GRM4: variants seen among roughly 807,000 people sequenced by gnomAD.
GRM4 encodes metabotropic glutamate receptor 4.
GRM4 carries 28 observed loss-of-function variants against 81.7 expected under a neutral mutation model. The observed-to-expected ratio is 0.34, with a 90% CI of 0.25 to 0.47. GRM4 has a LOEUF of 0.47. Ranked by LOEUF, GRM4 falls within the 20% of genes least tolerant of loss-of-function variation. GRM4 has a pLI of 1.00. For missense variants in GRM4, 948 were observed against 1,290.0 expected, an observed-to-expected ratio of 0.73 and a Z score of 4.06; for synonymous variants, 488 against 528.8, an observed-to-expected ratio of 0.92 and a Z score of 1.06.
intron 3 of GRM4, among the ~76,000 whole-genome samples, chr6:34,065,949 A>G (rs1307392799): frequency 2.0e-5 from 3 of 151,640 alleles, no homozygotes; most frequent in African/African-American, 4.8e-5. Context: ...AGGAACCGCT[A>G]TCTCTCCCAG....
intron 6 of GRM4, among the ~76,000 whole-genome samples, chr6:34,045,328 G>A (rs896500445): frequency 2.6e-5 from 4 of 152,232 alleles, no homozygotes; most frequent in Non-Finnish European, 5.9e-5. Flanking sequence ...CAGAGCCATC[G>A]TGTGCCTGGC....
rs1767446795 is a variant in GRM4 at position 34,078,819 on chromosome 6, C to T, written c.736+13064G>A. Reference sequence around the variant, plus strand: ...TCTGCAAGAGTCGTTAGCTTTCCTTCTGGCTCATTAAAAAGCAGAATTTGC... The same window carrying T: ...TCTGCAAGAGTCGTTAGCTTTCCTTTTGGCTCATTAAAAAGCAGAATTTGC... On this transcript the variant is annotated intron_variant, in intron 3 of 10. Transcript: ENST00000538487. The surrounding 1 kb of genome is among the most constrained non-coding windows in gnomAD (Gnocchi z 4.8). Among the ~76,000 whole-genome samples the T allele has an allele frequency of 6.6e-6, 1 of 152,202 alleles. No homozygotes were observed. Among genetic ancestry groups the T allele is most frequent in the African/African-American group, 2.4e-5 (1 of 41,440 alleles).
Position 34,022,809 on chromosome 6 carries a change from T to A in GRM4, c.*12A>T. 1 of 1,611,590 alleles carries A rather than the reference T, an allele frequency of 6.2e-7. No individual in the cohort carries two copies. The highest frequency in any genetic ancestry group is 8.5e-7 in the Non-Finnish European group (1 of 1,177,688). The stretch of plus-strand genomic sequence containing the variant: ...ACGGCTCCTCCTCCTGCTGCTCAGC[T>A]CCATGGACTCGCTAGATTGCATGGT... On this transcript the variant is annotated 3_prime_UTR_variant, in exon 11 of 11. Coordinates refer to ENST00000538487, the MANE Select transcript of GRM4 (RefSeq NM_000841.4). The surrounding 1 kb of genome is among the most constrained non-coding windows in gnomAD (Gnocchi z 5.6).
Position 34,035,220 on chromosome 6 carries a change from AG to A in GRM4, c.2442+447del, listed in dbSNP as rs1581592915. On this transcript the variant is annotated intron_variant, in intron 9 of 10. Coordinates refer to ENST00000538487, the MANE Select transcript of GRM4 (RefSeq NM_000841.4). The surrounding 1 kb of genome is among the most constrained non-coding windows in gnomAD (Gnocchi z 6.6). ...AGGGTACAGCGCTCCAGGCTTATGGAGGGGGGAAGGGGTGAGAGAATAGGAG... is the reference window on the plus strand; with the variant it reads ...AGGGTACAGCGCTCCAGGCTTATGGAGGGGGAAGGGGTGAGAGAATAGGAG... Among the ~76,000 whole-genome samples, 1 of 147,180 alleles carries A rather than the reference AG, an allele frequency of 6.8e-6. No homozygotes were observed. The highest frequency in any genetic ancestry group is 2.1e-4 in the East Asian group (1 of 4,770).
At chr6:34,053,273 C>T (rs562673442) in intron 6 of GRM4, among the ~76,000 whole-genome samples, 42 of 152,332 alleles carry the variant, frequency 2.8e-4, no homozygotes, top group African/African-American at 9.6e-4. Context: ...TCCCCTGCCC[C>T]TGCTCCCAGC....
intron 6 of GRM4, among the ~76,000 whole-genome samples, chr6:34,044,468 AC>A (rs1300141371): frequency 6.6e-6 from 1 of 150,916 alleles, no homozygotes. Flanking sequence ...ACACACACAG[AC>A]ATACATACAT....
chr6:34,119,401 G>A lies in GRM4; in HGVS notation c.519+13577C>T, dbSNP rs796457631. Among the ~76,000 whole-genome samples the A allele has an allele frequency of 3.5e-4, 37 of 107,102 alleles. 1 individual carries two copies. Among genetic ancestry groups the A allele is most frequent in the African/African-American group, 1.3e-3 (34 of 26,446 alleles). The allele number at this position is 107,102 out of a possible 152,430, so 70.3% of individuals were successfully genotyped here. On this transcript the variant is annotated intron_variant, in intron 2 of 10. Coordinates refer to ENST00000538487, the MANE Select transcript of GRM4 (RefSeq NM_000841.4). ...ACAGAGAGAGACTCCATGAAAGAAAGAAAGAGAGAGAGGGAGTGAGTGAGG... is the reference window on the plus strand; with the variant it reads ...ACAGAGAGAGACTCCATGAAAGAAAAAAAGAGAGAGAGGGAGTGAGTGAGG...
Position 34,094,091 on chromosome 6 carries a change from A to G in GRM4, c.520-1992T>C, listed in dbSNP as rs1768386457. Among the ~76,000 whole-genome samples the G allele has an allele frequency of 2.0e-5, 3 of 152,232 alleles. No homozygotes were observed. In the South Asian group the frequency reaches 6.2e-4, roughly 32 times the overall value. On this transcript the variant is annotated intron_variant, in intron 2 of 10. Coordinates refer to ENST00000538487, the MANE Select transcript of GRM4 (RefSeq NM_000841.4). ...AAAGGAATGAGGCTGATTTCCAGGCACTGCTCTGGGTGGGTCTCCAAGATA... is the reference window on the plus strand; with the variant it reads ...AAAGGAATGAGGCTGATTTCCAGGCGCTGCTCTGGGTGGGTCTCCAAGATA...
At chr6:34,145,965 C>A in intron 1 of GRM4, 35 bp downstream of exon 1, 20 of 983,334 alleles carry the variant, frequency 2.0e-5, no homozygotes, top group Non-Finnish European at 2.4e-5. Context: ...AAGCCCCCCC[C>A]TTCCTCCTCC....
At chr6:34,145,802 C>A (rs1219452954) in intron 1 of GRM4, among the ~76,000 whole-genome samples, 198 bp downstream of exon 1, 1 of 152,158 alleles carries the variant, frequency 6.6e-6, no homozygotes, top group African/African-American at 2.4e-5. Flanking sequence ...GCGCTTCTGC[C>A]GGCCTTTTAA....
At position 34,056,519 on chromosome 6, in the gene GRM4, G is replaced by A. The variant is rs751393181; in HGVS notation, c.1168+25C>T. On this transcript the variant is annotated intron_variant, in intron 6 of 10. Transcript: ENST00000538487. Reference sequence around the variant, plus strand: ...CCCCGGCTCCTCCTAGAGCCCGCCCGGCCCTGCCCGGCCCGCGTGCTCACT... The same window carrying A: ...CCCCGGCTCCTCCTAGAGCCCGCCCAGCCCTGCCCGGCCCGCGTGCTCACT... The A allele has an allele frequency of 1.1e-5, 18 of 1,601,858 alleles. No homozygotes were observed. The African/African-American group carries it at 2.3e-4, about 20-fold the overall frequency.
In GRM4 at chr6:34,078,273, T is replaced by C. The variant is rs1767417464; in HGVS notation, c.736+13610A>G. On this transcript the variant is annotated intron_variant, in intron 3 of 10. Transcript: ENST00000538487. This position sits in a 1 kb window ranked among gnomAD's most constrained non-coding sequence, Gnocchi z 4.8. The stretch of plus-strand genomic sequence containing the variant: ...CTCTCTCCTGCCCACCTTCTGCTTC[T>C]TCTCTGTCTCCCCCCAAATACACAC... 1.3e-5 allele frequency among the ~76,000 whole-genome samples: 2 copies of C among 151,932 alleles called. No homozygotes were observed. Among genetic ancestry groups the C allele is most frequent in the Admixed American group, 1.3e-4 (2 of 15,254 alleles).
At position 34,035,931 on chromosome 6, in the gene GRM4, C is replaced by A. The variant is rs750058977; in HGVS notation, c.2179G>T (p.Val727Leu). 5.0e-6 allele frequency: 8 copies of A among 1,610,544 alleles called. No individual in the cohort carries two copies. The highest frequency in any genetic ancestry group is 6.8e-6 in the Non-Finnish European group (8 of 1,177,064). Residue 727 changes from valine to leucine, a missense_variant, in exon 9 of 11, where the codon GTG (valine) becomes TTG (leucine). Transcript: ENST00000538487. This position sits in a 1 kb window ranked among gnomAD's most constrained non-coding sequence, Gnocchi z 6.6. ...AGTGTCCGCTGGTCCTGGAAGTCCACCACCGAGTGGGAGGGGTCCACCACA... is the reference window on the plus strand; with the variant it reads ...AGTGTCCGCTGGTCCTGGAAGTCCAACACCGAGTGGGAGGGGTCCACCACA... ...WFVVDPSHSVVDFQDQRTLDP... is the reference protein window; with the variant it reads ...WFVVDPSHSVLDFQDQRTLDP...
At position 34,047,365 on chromosome 6, in the gene GRM4, A is replaced by G. The variant is rs1364395213; in HGVS notation, c.1169-6617T>C. 6.6e-6 allele frequency among the ~76,000 whole-genome samples: 1 copy of G among 152,000 alleles called. No individual in the cohort carries two copies. The highest frequency in any genetic ancestry group is 1.5e-5 in the Non-Finnish European group (1 of 67,974). ...GACAGACCCAGACCTAGCCCAACAT[A>G]TGGATGGGGTGGAGAAAGCTGCCAC... On this transcript the variant is annotated intron_variant, in intron 6 of 10. Coordinates refer to ENST00000538487, the MANE Select transcript of GRM4 (RefSeq NM_000841.4). This position sits in a 1 kb window ranked among gnomAD's most constrained non-coding sequence, Gnocchi z 4.5.
chr6:34,130,703 T>C lies in GRM4; in HGVS notation c.519+2275A>G, dbSNP rs1428694076. The stretch of plus-strand genomic sequence containing the variant: ...TGAGCCTTCGCCATGTACCAAGTGA[T>C]GGGGCACTCTCAGCTCCTTTGGGCC... On this transcript the variant is annotated intron_variant, in intron 2 of 10. Coordinates refer to ENST00000538487, the MANE Select transcript of GRM4 (RefSeq NM_000841.4). The surrounding 1 kb of genome is among the most constrained non-coding windows in gnomAD (Gnocchi z 4.1). Among the ~76,000 whole-genome samples the C allele has an allele frequency of 1.3e-5, 2 of 152,216 alleles. No individual in the cohort carries two copies. Among genetic ancestry groups the C allele is most frequent in the Non-Finnish European group, 2.9e-5 (2 of 68,030 alleles).
At chr6:34,033,958 C>T (rs370520949) in intron 9 of GRM4, among the ~76,000 whole-genome samples, 1 of 152,132 alleles carries the variant, frequency 6.6e-6, no homozygotes, top group Non-Finnish European at 1.5e-5. Flanking sequence ...AGGCTGGTCT[C>T]GAACTCCTGA....
At chr6:34,079,943 T>A (rs1203602945) in intron 3 of GRM4, among the ~76,000 whole-genome samples, 6 of 151,736 alleles carry the variant, frequency 4.0e-5, no homozygotes, top group Non-Finnish European at 8.8e-5. Context: ...CCTCCTCTGC[T>A]CCTGACCCTC....
In GRM4 at chr6:34,128,022, A is replaced by G. The variant is rs557552126; in HGVS notation, c.519+4956T>C. On this transcript the variant is annotated intron_variant, in intron 2 of 10. Transcript: ENST00000538487. ...ACGAGGGGAGGGAACTCACACCGCC[A>G]GGCTAGGGGTGGCACATACAGGCCA... Among the ~76,000 whole-genome samples, 10 of 152,310 alleles carry G rather than the reference A, an allele frequency of 6.6e-5. No homozygotes were observed. In the East Asian group the frequency reaches 1.9e-3, roughly 29 times the overall value.
intron 2 of GRM4, among the ~76,000 whole-genome samples, chr6:34,122,751 T>C (rs1769863814): frequency 6.6e-6 from 1 of 152,038 alleles, no homozygotes; most frequent in Non-Finnish European, 1.5e-5. Flanking sequence ...TGTCTGTCTG[T>C]CTGTCTGTCT....
Sources: allele counts gnomAD v4.1 joint callset (sites outside exome capture counted in the v4.1 genomes callset), GRCh38; gene constraint gnomAD v4.1.1; non-coding constraint Gnocchi (gnomAD v3.1); transcripts MANE v1.5; gene names NCBI Gene and HGNC (gene_info 2026-07-23, HGNC 2026-07-21).